Variants in NREP observed in about 807,000 individuals in gnomAD.
The protein encoded by NREP is neuronal regeneration related protein, also known as neuronal regeneration-related protein.
A neutral mutation model predicts 8.6 loss-of-function variants in NREP; 5 were observed. That is an observed-to-expected ratio of 0.58 (90% CI 0.30 to 1.22). The LOEUF is 1.22. NREP is among the 50% of genes most tolerant of loss of function. The pLI, the probability that NREP is intolerant of heterozygous loss-of-function variation, is 0.07. For missense variants in NREP, 86 were observed against 82.5 expected, an observed-to-expected ratio of 1.04 and a Z score of -0.17; for synonymous variants, 27 against 28.0, an observed-to-expected ratio of 0.96 and a Z score of 0.11.
At chr5:111,965,018 T>A (rs145235533) in intron 2 of NREP, among the ~76,000 whole-genome samples, 78 of 152,098 alleles carry the variant, frequency 5.1e-4, no homozygotes, top group Middle Eastern at 3.4e-3. Flanking sequence ...AATAGTGTCA[T>A]CAGCGATCCT....
chr5:111,924,331 G>A (rs1755324853), intron 2 of NREP, among the ~76,000 whole-genome samples: 1 of 152,122 alleles, frequency 6.6e-6, no homozygotes, highest in Non-Finnish European at 1.5e-5. Context: ...TTTAGACGGT[G>A]TTTGTCCATA....
chr5:111,736,569 T>C (rs964358018), intron 2 of NREP, among the ~76,000 whole-genome samples: 2 of 152,186 alleles, frequency 1.3e-5, no homozygotes, highest in East Asian at 1.9e-4. Context: ...AACCTAATCA[T>C]TGAGTTGACT....
chr5:111,893,696 T>C (rs1343447453), intron 2 of NREP, among the ~76,000 whole-genome samples: 1 of 151,066 alleles, frequency 6.6e-6, no homozygotes, highest in African/African-American at 2.4e-5. Flanking sequence ...ACCCTTAAGA[T>C]AGATGCATTT....
chr5:111,814,043 C>G (rs1445990620), intron 2 of NREP, among the ~76,000 whole-genome samples: 1 of 151,754 alleles, frequency 6.6e-6, no homozygotes, highest in Non-Finnish European at 1.5e-5. Flanking sequence ...TAGAACTGTA[C>G]TATACAAATG....
chr5:111,883,895 G>A (rs1442224697), intron 2 of NREP, among the ~76,000 whole-genome samples: 5 of 152,156 alleles, frequency 3.3e-5, no homozygotes, highest in East Asian at 3.9e-4. Flanking sequence ...TTCACACCCT[G>A]ACATCACAAT....
chr5:111,744,913 C>A (rs1259880434), intron 2 of NREP, among the ~76,000 whole-genome samples: 2 of 152,094 alleles, frequency 1.3e-5, no homozygotes, highest in Non-Finnish European at 2.9e-5. Flanking sequence ...TAGATTTTTC[C>A]CCTCAGTCTT....
At chr5:111,843,488 C>A (rs150136650) in intron 2 of NREP, among the ~76,000 whole-genome samples, 9 of 152,078 alleles carry the variant, frequency 5.9e-5, no homozygotes, top group African/African-American at 2.2e-4. Flanking sequence ...TCTTGTAGCT[C>A]ACTGAGCTTC....
intron 2 of NREP, among the ~76,000 whole-genome samples, chr5:111,750,932 T>G (rs950172867): frequency 3.3e-5 from 5 of 152,232 alleles, no homozygotes; most frequent in Admixed American, 1.3e-4. Flanking sequence ...CACTTTGTTT[T>G]ATCCCTTTAA....
chr5:111,973,942 C>T (rs995060329), intron 2 of NREP, among the ~76,000 whole-genome samples: 5 of 152,138 alleles, frequency 3.3e-5, no homozygotes, highest in Admixed American at 2.6e-4. Flanking sequence ...GGAAATATTT[C>T]CCCAAAGTAT....
At chr5:111,757,911 G>A, upstream of NREP, 3 of 985,376 alleles carry the variant, frequency 3.0e-6, no homozygotes, top group Non-Finnish European at 3.6e-6. Flanking sequence ...GGGCCGTGGG[G>A]AGAGGCGGCG....
intron 2 of NREP, among the ~76,000 whole-genome samples, chr5:111,835,208 C>T (rs541229384): frequency 6.6e-6 from 1 of 152,274 alleles, no homozygotes; most frequent in Admixed American, 6.5e-5. Context: ...AAGGAACACA[C>T]CCATTCACTT....
rs745611024 is a variant in NREP at position 111,874,041 on chromosome 5, G to T, written c.135+101233C>A. Among the ~76,000 whole-genome samples, 63 of 151,744 alleles carry T rather than the reference G, an allele frequency of 4.2e-4. 1 individual carries two copies. Among genetic ancestry groups the T allele is most frequent in the African/African-American group, 1.5e-3 (61 of 41,458 alleles). On this transcript the variant is annotated intron_variant, in intron 2 of 3. Coordinates refer to the NREP transcript ENST00000395634. Reference sequence around the variant, plus strand: ...GATTGTTATTCTGAATGTTCCCAGGGACGGGAGGGTGGGGAAAGGAAGTTG... The same window carrying T: ...GATTGTTATTCTGAATGTTCCCAGGTACGGGAGGGTGGGGAAAGGAAGTTG...
intron 2 of NREP, among the ~76,000 whole-genome samples, chr5:111,836,292 A>G (rs538271458): frequency 6.6e-6 from 1 of 152,096 alleles, no homozygotes; most frequent in African/African-American, 2.4e-5. Flanking sequence ...ATAGAAAGGG[A>G]AAGGCATGCT....
intron 2 of NREP, among the ~76,000 whole-genome samples, chr5:111,814,860 G>C (rs182040091): frequency 3.0e-4 from 46 of 151,734 alleles, no homozygotes; most frequent in African/African-American, 1.0e-3. Context: ...TAGGAACTGA[G>C]GAATATTGAG....
chr5:111,876,260 A>T (rs1466060333), intron 2 of NREP, among the ~76,000 whole-genome samples: 2 of 152,168 alleles, frequency 1.3e-5, no homozygotes, highest in African/African-American at 4.8e-5. Context: ...TGATTAGAAA[A>T]AAATAATTTC....
chr5:111,750,433 G>C (rs930802459), intron 2 of NREP, among the ~76,000 whole-genome samples: 4 of 152,134 alleles, frequency 2.6e-5, no homozygotes, highest in Non-Finnish European at 4.4e-5. Context: ...ACACTGTATT[G>C]AGGATTTTGA....
chr5:111,790,973 T>C (rs1169146720), intron 2 of NREP, among the ~76,000 whole-genome samples: 2 of 152,166 alleles, frequency 1.3e-5, no homozygotes, highest in Non-Finnish European at 2.9e-5. Flanking sequence ...GACTTAAATA[T>C]GCACATATTT....
intron 2 of NREP, among the ~76,000 whole-genome samples, chr5:111,880,327 C>A (rs114441385): frequency 6.6e-6 from 1 of 152,168 alleles, no homozygotes; most frequent in Non-Finnish European, 1.5e-5. Flanking sequence ...TTTTCCAGAG[C>A]TCTCATAAGA....
intron 2 of NREP, among the ~76,000 whole-genome samples, chr5:111,736,869 C>A (rs1749170435): frequency 1.3e-5 from 2 of 152,162 alleles, no homozygotes. Flanking sequence ...TAGGGTAGGA[C>A]TGAAACTCAC....
Sources: gnomAD v4.1 joint callset for allele counts (sites outside exome capture counted in the v4.1 genomes callset) on GRCh38, gnomAD v4.1.1 for gene constraint, MANE v1.5 for transcripts, NCBI Gene and HGNC (gene_info 2026-07-23, HGNC 2026-07-21) for gene names.